GRIN1: variants seen among roughly 807,000 people sequenced by gnomAD.
The protein encoded by GRIN1 is glutamate ionotropic receptor NMDA type subunit 1.
GRIN1 carries 38 observed loss-of-function variants against 103.0 expected under a neutral mutation model. The observed-to-expected ratio is 0.37, with a 90% CI of 0.28 to 0.48. The LOEUF (loss-of-function observed/expected upper bound fraction) is 0.48, where lower values mean the gene tolerates loss of function less well. Among genes scored for constraint, GRIN1 ranks in the 20% least tolerant of loss-of-function variants. The pLI, the probability that GRIN1 is intolerant of heterozygous loss-of-function variation, is 0.98. For missense variants in GRIN1, 577 were observed against 1,288.9 expected, an observed-to-expected ratio of 0.45 and a Z score of 8.46; for synonymous variants, 544 against 532.7, an observed-to-expected ratio of 1.02 and a Z score of -0.29.
rs1390211424 is a variant in GRIN1 at position 137,149,064 on chromosome 9, T to C, written c.626T>C (p.Met209Thr). The change falls in exon 4 of 20, where the codon ATG becomes ACG. Residue 209 changes from methionine (M) to threonine (T), a missense_variant. Physicochemically the swap from Met to Thr is moderately conservative, Grantham distance 81. This residue lies in a region of GRIN1 where 308 missense variants were observed against 553.6 expected (regional missense o/e 0.56). Transcript: ENST00000371561. ...ACCAAGAACGTGACGGCCCTGCTGA[T>C]GGAGGCGAAAGAGCTGGAGGCCCGG... Reference protein sequence around the residue: ...PGTKNVTALLMEAKELEARVI... With the variant: ...PGTKNVTALLTEAKELEARVI... The C allele has an allele frequency of 1.9e-6, 3 of 1,613,640 alleles. No individual in the cohort carries two copies. Among genetic ancestry groups the C allele is most frequent in the East Asian group, 2.2e-5 (1 of 44,880 alleles).
At chr9:137,160,928 G>C in intron 8 of GRIN1, 128 bp from the exon 9 acceptor site, 1 of 1,216,970 alleles carries the variant, frequency 8.2e-7, no homozygotes, top group South Asian at 1.3e-5. Flanking sequence ...GGCGGCGCAG[G>C]GCGGGGGGTG....
rs763771717 is a variant in GRIN1 at position 137,163,577 on chromosome 9, C to T, written c.2352C>T (p.Phe784=). ...CCGCCAGGTCCCACGAGAATGGCTTCATGGAAGACCTGGACAAGACGTGGG... is the reference window on the plus strand; with the variant it reads ...CCGCCAGGTCCCACGAGAATGGCTTTATGGAAGACCTGGACAAGACGTGGG... ...LSILKSHENG[F]MEDLDKTWVR... Residue 784 remains phenylalanine, a synonymous_variant, in exon 17 of 20, where the codon TTC becomes TTT. Transcript: ENST00000371561. 39 of 1,612,568 alleles carry T rather than the reference C, an allele frequency of 2.4e-5. No individual in the cohort carries two copies. Among genetic ancestry groups the T allele is most frequent in the Non-Finnish European group, 3.2e-5 (38 of 1,179,074 alleles).
chr9:137,156,479 G>C (rs1833225071), intron 4 of GRIN1, among the ~76,000 whole-genome samples, 190 bp from the exon 5 acceptor site: 1 of 152,224 alleles, frequency 6.6e-6, no homozygotes, highest in African/African-American at 2.4e-5. Context: ...CCCAAGGTAA[G>C]AGCCAGCAAC....
chr9:137,168,026 A>G lies in GRIN1; in HGVS notation c.*499A>G, dbSNP rs202247653. The G allele has an allele frequency of 3.0e-6, 2 of 666,438 alleles. No individual in the cohort carries two copies. Among genetic ancestry groups the G allele is most frequent in the Non-Finnish European group, 5.3e-6 (2 of 373,992 alleles). 41.3% of individuals were successfully genotyped at this position (666,438 alleles called of 1,614,324 possible). A position where few individuals can be genotyped will look rare whatever the true frequency, so the allele number is the denominator to read the frequency against. On this transcript the variant is annotated 3_prime_UTR_variant, in exon 20 of 20. Transcript: ENST00000371561. Reference sequence around the variant, plus strand: ...CCTGCTGGACCAAGGTGCGGACCGGAGCGGCTGAGGACGGGGCAGAGCTGA... The same window carrying G: ...CCTGCTGGACCAAGGTGCGGACCGGGGCGGCTGAGGACGGGGCAGAGCTGA...
chr9:137,160,812 G>GC (rs1833491139), intron 8 of GRIN1, among the ~76,000 whole-genome samples: 2 of 152,164 alleles, frequency 1.3e-5, no homozygotes, highest in South Asian at 4.1e-4. Flanking sequence ...TGAGCCCCCA[G>GC]CCCCCACCCC....
At chr9:137,163,517 TG>T in intron 16 of GRIN1, 41 bp from the exon 17 acceptor site, 7 of 1,229,542 alleles carry the variant, frequency 5.7e-6, no homozygotes, top group Non-Finnish European at 8.4e-6. Flanking sequence ...CTTCCCGTCC[TG>T]GGCCCCGCCT....
chr9:137,153,277 G>C (rs926797169), intron 4 of GRIN1, among the ~76,000 whole-genome samples: 1 of 145,388 alleles, frequency 6.9e-6, no homozygotes, highest in African/African-American at 2.6e-5. Flanking sequence ...CCATACACAT[G>C]TGCACAAATG....
chr9:137,159,482 T>G (rs538552537), intron 8 of GRIN1, among the ~76,000 whole-genome samples: 6 of 152,280 alleles, frequency 3.9e-5, no homozygotes, highest in African/African-American at 1.4e-4. Context: ...CACCGGCCCC[T>G]GTGGCCTCTC....
At position 137,167,565 on chromosome 9, in the gene GRIN1, G is replaced by A. The variant is rs1334972618; in HGVS notation, c.*38G>A. 2.3e-6 allele frequency: 3 copies of A among 1,296,592 alleles called. No individual in the cohort carries two copies. Among genetic ancestry groups the A allele is most frequent in the Non-Finnish European group, 3.1e-6 (3 of 972,864 alleles). 80.3% of individuals were successfully genotyped at this position (1,296,592 alleles called of 1,614,324 possible). On this transcript the variant is annotated 3_prime_UTR_variant, in exon 20 of 20. Coordinates refer to ENST00000371561, the MANE Select transcript of GRIN1 (RefSeq NM_007327.4). ...GCCCTCCTCTGCCCCCTCCCCCGCA[G>A]ACAGACAGACAGACGGACGGGACAG...
intron 18 of GRIN1, chr9:137,164,194 C>CAT (rs1290999631): frequency 1.4e-5 from 7 of 484,696 alleles, no homozygotes; most frequent in Non-Finnish European, 2.3e-5. Context: ...GTACCCATTC[C>CAT]ATAGGAAGGC....
chr9:137,154,742 G>A (rs567984727), intron 4 of GRIN1, among the ~76,000 whole-genome samples: 1 of 152,238 alleles, frequency 6.6e-6, no homozygotes, highest in South Asian at 2.1e-4. Flanking sequence ...ATCAGTTACT[G>A]CGCCTGGCCT....
intron 18 of GRIN1, 24 bp downstream of exon 18, chr9:137,163,928 C>T (rs1367390347): frequency 6.2e-7 from 1 of 1,611,588 alleles, no homozygotes; most frequent in Non-Finnish European, 8.5e-7. Context: ...CCCTCCGAGG[C>T]CTGGTGCCCA....
Position 137,163,295 on chromosome 9 carries a change from C to T in GRIN1, c.2298C>T (p.Ser766=), listed in dbSNP as rs138298331. The T allele has an allele frequency of 1.7e-5, 27 of 1,613,632 alleles. No homozygotes were observed. In the African/African-American group the frequency reaches 2.3e-4, roughly 14 times the overall value. The change falls in exon 16 of 20, where the codon AGC becomes AGT. Residue 766 remains serine (S), a synonymous_variant. Coordinates refer to ENST00000371561, the MANE Select transcript of GRIN1 (RefSeq NM_007327.4). ...SGFGIGMRKD[S]PWKQNVSLSI... is the part of the protein sequence containing the mutation. ...TCGGCATAGGCATGCGCAAAGACAG[C>T]CCCTGGAAGCAGAACGTCTCCCTGT...
chr9:137,142,208 T>C, intron 2 of GRIN1, 61 bp downstream of exon 2: 1 of 1,587,536 alleles, frequency 6.3e-7, no homozygotes, highest in Non-Finnish European at 8.6e-7. Flanking sequence ...GCCTGGCCAC[T>C]CCAGGAGCAG....
At chr9:137,151,429 A>G (rs1173325906) in intron 4 of GRIN1, among the ~76,000 whole-genome samples, 1 of 149,314 alleles carries the variant, frequency 6.7e-6, no homozygotes, top group Non-Finnish European at 1.5e-5. Context: ...CACCCAGAAA[A>G]AAGACCAGCC....
Position 137,156,806 on chromosome 9 carries a change from T to C in GRIN1, c.793+16T>C. 6.3e-7 allele frequency: 1 copy of C among 1,599,544 alleles called. No homozygotes were observed. The highest frequency in any genetic ancestry group is 8.5e-7 in the Non-Finnish European group (1 of 1,173,726). ...GCCCCAGACGGTGAGTGCTGGGCCTTGGCGGGGTCCCCGAACGGGGAGGAC... is the reference window on the plus strand; with the variant it reads ...GCCCCAGACGGTGAGTGCTGGGCCTCGGCGGGGTCCCCGAACGGGGAGGAC... On this transcript the variant is annotated intron_variant, in intron 5 of 19. Coordinates refer to ENST00000371561, the MANE Select transcript of GRIN1 (RefSeq NM_007327.4).
intron 4 of GRIN1, 84 bp from the exon 5 acceptor site, chr9:137,156,585 C>G: frequency 6.5e-7 from 1 of 1,538,098 alleles, no homozygotes; most frequent in South Asian, 1.2e-5. Flanking sequence ...CAGGTCCCTG[C>G]TCCAGAGGAG....
intron 4 of GRIN1, among the ~76,000 whole-genome samples, chr9:137,151,613 G>A (rs1044873729): frequency 6.6e-6 from 1 of 151,658 alleles, no homozygotes; most frequent in Non-Finnish European, 1.5e-5. Flanking sequence ...AAAAAGCCCC[G>A]CCCAGAAAAA....
In GRIN1 at chr9:137,167,725, C is replaced by T; in HGVS notation, c.*198C>T. 3 of 1,609,742 alleles carry T rather than the reference C, an allele frequency of 1.9e-6. No homozygotes were observed. The highest frequency in any genetic ancestry group is 2.5e-6 in the Non-Finnish European group (3 of 1,178,180). ...ACCCCGTCCCGGCCCCGCGCGTGCCCCCAGCGTGGGGCTAACGGGCGCCTT... is the reference window on the plus strand; with the variant it reads ...ACCCCGTCCCGGCCCCGCGCGTGCCTCCAGCGTGGGGCTAACGGGCGCCTT... On this transcript the variant is annotated 3_prime_UTR_variant, in exon 20 of 20. Coordinates refer to ENST00000371561, the MANE Select transcript of GRIN1 (RefSeq NM_007327.4).
Sources: gnomAD v4.1 joint callset for allele counts (sites outside exome capture counted in the v4.1 genomes callset) on GRCh38, gnomAD v4.1.1 for gene constraint, gnomAD v4.1.1 regional missense constraint, MANE v1.5 for transcripts, NCBI Gene and HGNC (gene_info 2026-07-23, HGNC 2026-07-21) for gene names.